MARCHF8: variants seen among roughly 807,000 people sequenced by gnomAD.
The protein encoded by MARCHF8 is E3 ubiquitin-protein ligase MARCHF8.
MARCHF8 carries 40 observed loss-of-function variants against 51.6 expected under a neutral mutation model. The observed-to-expected ratio is 0.77, with a 90% CI of 0.60 to 1.01. The LOEUF (loss-of-function observed/expected upper bound fraction) is 1.01. MARCHF8 is among the 50% of genes least tolerant of loss of function. MARCHF8 has a pLI of 0.00. For missense variants in MARCHF8, 685 were observed against 708.6 expected (o/e 0.97, Z 0.38); for synonymous variants, 263 against 280.3 (o/e 0.94, Z 0.62).
At chr10:45,475,628 G>A (rs2042774038) in intron 3 of MARCHF8, among the ~76,000 whole-genome samples, 2 of 152,084 alleles carry the variant, frequency 1.3e-5, no homozygotes, top group African/African-American at 4.8e-5. Flanking sequence ...AAACTGCTTG[G>A]GAGCCAGAGG....
chr10:45,538,319 A>G (rs758164916), upstream of MARCHF8, among the ~76,000 whole-genome samples: 3 of 152,250 alleles, frequency 2.0e-5, no homozygotes, highest in Admixed American at 6.5e-5. Context: ...TGAAGGAAGC[A>G]CTAAACATGG....
chr10:45,565,570 C>T (rs1175448181), intron 1 of MARCHF8, among the ~76,000 whole-genome samples: 1 of 143,674 alleles, frequency 7.0e-6, no homozygotes, highest in Non-Finnish European at 1.5e-5. Flanking sequence ...GATGCAACTG[C>T]AAAAAAATAA....
intron 6 of MARCHF8, 141 bp from the exon 7 acceptor site, chr10:45,459,408 T>G: frequency 2.0e-6 from 2 of 991,512 alleles, no homozygotes; most frequent in Non-Finnish European, 2.9e-6. Context: ...AGTATTGTTC[T>G]CCTAAAACCA....
intron 1 of MARCHF8, among the ~76,000 whole-genome samples, chr10:45,543,412 T>C (rs185289451): frequency 7.5e-4 from 114 of 152,336 alleles, no homozygotes; most frequent in African/African-American, 2.5e-3. Flanking sequence ...TTATTGAATT[T>C]AAAACTTTTG....
At chr10:45,496,479 T>C (rs1318421716) in intron 2 of MARCHF8, among the ~76,000 whole-genome samples, 6 of 152,068 alleles carry the variant, frequency 3.9e-5, no homozygotes, top group Admixed American at 2.0e-4. Context: ...CTATGAAAGG[T>C]TGGCATAAGG....
chr10:45,533,400 C>A, intron 1 of MARCHF8, 111 bp from the exon 2 acceptor site: 1 of 573,552 alleles, frequency 1.7e-6, no homozygotes, highest in Non-Finnish European at 2.5e-6. Flanking sequence ...AAATAAGTTA[C>A]GGCAACATAA....
chr10:45,582,080 A>G (rs1257862981), intron 1 of MARCHF8, among the ~76,000 whole-genome samples: 3 of 152,176 alleles, frequency 2.0e-5, no homozygotes, highest in Admixed American at 6.5e-5. Context: ...CATAATGTCC[A>G]CCTATGGGAG....
Position 45,454,916 on chromosome 10 carries a change from T to A in MARCHF8, c.*3323A>T, listed in dbSNP as rs1001029192. 6.6e-6 allele frequency: 1 copy of A among 152,264 alleles called. No individual in the cohort carries two copies. The highest frequency in any genetic ancestry group is 1.5e-5 in the Non-Finnish European group (1 of 68,052). 9.4% of individuals were successfully genotyped at this position (152,264 alleles called of 1,614,324 possible). ...AGATAAATGCTTTTATTTCCCTATGTTTTGGTCTTTCCTTGGGCTAGAGAC... is the reference window on the plus strand; with the variant it reads ...AGATAAATGCTTTTATTTCCCTATGATTTGGTCTTTCCTTGGGCTAGAGAC... On this transcript the variant is annotated 3_prime_UTR_variant, in exon 8 of 8. Transcript: ENST00000453424.
rs563575725 is a variant in MARCHF8 at position 45,587,158 on chromosome 10, G to GT, written c.-79+7076dup. ...AAAGCACATGAGTGGAAAGGAAGAC[G>GT]TAAAACTGTCTTTATTCAATGACTG... is the stretch of plus-strand genomic sequence containing the variant. On this transcript the variant is annotated intron_variant, in intron 1 of 6. Transcript: ENST00000319836. Among the ~76,000 whole-genome samples the GT allele has an allele frequency of 3.3e-3, 508 of 152,192 alleles. 3 individuals are homozygous for GT. The highest frequency in any genetic ancestry group is 6.0e-3 in the Non-Finnish European group (408 of 67,964).
intron 2 of MARCHF8, among the ~76,000 whole-genome samples, chr10:45,489,856 G>A (rs1185287264): frequency 6.6e-6 from 1 of 152,106 alleles, no homozygotes; most frequent in African/African-American, 2.4e-5. Context: ...AAGAAAGTAG[G>A]ACAGCTGACC....
chr10:45,525,119 G>A (rs960838369), intron 2 of MARCHF8, among the ~76,000 whole-genome samples: 2 of 152,168 alleles, frequency 1.3e-5, no homozygotes, highest in African/African-American at 4.8e-5. Context: ...TGAACATTGT[G>A]AGGTCATTTT....
intron 2 of MARCHF8, among the ~76,000 whole-genome samples, chr10:45,503,444 G>A (rs1200244424): frequency 6.6e-6 from 1 of 152,066 alleles, no homozygotes; most frequent in Non-Finnish European, 1.5e-5. Flanking sequence ...GCTGAGGCAG[G>A]AGAATTGCTT....
chr10:45,522,669 A>C (rs1168835678), intron 2 of MARCHF8, among the ~76,000 whole-genome samples: 1 of 152,234 alleles, frequency 6.6e-6, no homozygotes, highest in Non-Finnish European at 1.5e-5. Context: ...ACCACTGTTC[A>C]TGTATTACCT....
chr10:45,592,464 C>T (rs1589201208), intron 1 of MARCHF8, among the ~76,000 whole-genome samples: 1 of 151,866 alleles, frequency 6.6e-6, no homozygotes, highest in South Asian at 2.1e-4. Context: ...GTGTCTTTTA[C>T]GGGGGGGAAA....
At chr10:45,562,125 C>T (rs2044317858) in intron 1 of MARCHF8, among the ~76,000 whole-genome samples, 1 of 151,960 alleles carries the variant, frequency 6.6e-6, no homozygotes, top group African/African-American at 2.4e-5. Flanking sequence ...AAATGAAAAA[C>T]ACTAAAGAGA....
At chr10:45,460,251 C>T (rs1223097960) in intron 6 of MARCHF8, among the ~76,000 whole-genome samples, 1 of 152,144 alleles carries the variant, frequency 6.6e-6, no homozygotes, top group African/African-American at 2.4e-5. Flanking sequence ...AGCTTGACAC[C>T]CTGTCAATGT....
At chr10:45,486,711 T>C (rs1389372949) in intron 3 of MARCHF8, among the ~76,000 whole-genome samples, 1 of 152,140 alleles carries the variant, frequency 6.6e-6, no homozygotes, top group African/African-American at 2.4e-5. Flanking sequence ...GTCAGGTTTG[T>C]TGGCTCAGTG....
intron 5 of MARCHF8, 68 bp downstream of exon 5, chr10:45,463,083 T>TA (rs1271222714): frequency 1.8e-5 from 26 of 1,477,118 alleles, no homozygotes; most frequent in Non-Finnish European, 2.2e-5. Flanking sequence ...AAACTTCACA[T>TA]ACTAAAGCAA....
intron 2 of MARCHF8, among the ~76,000 whole-genome samples, chr10:45,501,418 G>C (rs754456685): frequency 2.0e-5 from 3 of 152,004 alleles, no homozygotes; most frequent in Non-Finnish European, 4.4e-5. Context: ...ATTCAATAGA[G>C]GAAAGAGAAT....
Sources: allele counts gnomAD v4.1 joint callset (sites outside exome capture counted in the v4.1 genomes callset), GRCh38; gene constraint gnomAD v4.1.1; transcripts MANE v1.5; gene names NCBI Gene and HGNC (gene_info 2026-07-23, HGNC 2026-07-21).